Variants in HYDIN observed in about 807,000 individuals in gnomAD.
The protein encoded by HYDIN is HYDIN axonemal central pair apparatus protein, also known as axonemal central pair apparatus protein HYDIN.
In HYDIN, 132 loss-of-function variants were observed where a neutral mutation model predicts 403.9. The observed-to-expected ratio is 0.33, with a 90% CI of 0.28 to 0.38. The LOEUF (loss-of-function observed/expected upper bound fraction) is 0.38, where lower values mean the gene tolerates loss of function less well. Ranked by LOEUF, HYDIN falls within the 10% of genes least tolerant of loss-of-function variation. The probability of loss-of-function intolerance (pLI) is 1.00; values close to 1 mark genes in which losing one functional copy is unlikely to be tolerated. For missense variants in HYDIN, 2,827 were observed against 5,009.5 expected (o/e 0.56, Z 13.15); for synonymous variants, 1,202 against 1,891.7 (o/e 0.64, Z 9.46).
intron 43 of HYDIN, among the ~76,000 whole-genome samples, chr16:70,940,313 T>G (rs2077629324): frequency 6.6e-6 from 1 of 151,456 alleles, no homozygotes; most frequent in African/African-American, 2.4e-5. Context: ...AGCTGTGGAC[T>G]CAGACACCTG....
chr16:70,956,619 A>C (rs1256039784), intron 39 of HYDIN, among the ~76,000 whole-genome samples: 1 of 152,080 alleles, frequency 6.6e-6, no homozygotes, highest in Non-Finnish European at 1.5e-5. Context: ...GTAGCAGGAG[A>C]GACTGGGAGA....
In HYDIN at chr16:70,804,482, G is replaced by A. The variant is rs1453241434; in HGVS notation, c.*3098C>T. Among the ~76,000 whole-genome samples the A allele has an allele frequency of 6.6e-6, 1 of 152,204 alleles. No homozygotes were observed. The highest frequency in any genetic ancestry group is 1.5e-5 in the Non-Finnish European group (1 of 68,048). ...TGAAGGGCTGAAAAACCAGGTGACTGATTGGTTGGGTAAGACGGATGAAAT... is the reference window on the plus strand; with the variant it reads ...TGAAGGGCTGAAAAACCAGGTGACTAATTGGTTGGGTAAGACGGATGAAAT... On this transcript the variant is annotated 3_prime_UTR_variant, in exon 86 of 86. Transcript: ENST00000393567.
At chr16:70,939,176 A>G (rs1399052147) in intron 43 of HYDIN, among the ~76,000 whole-genome samples, 1 of 152,160 alleles carries the variant, frequency 6.6e-6, no homozygotes, top group Non-Finnish European at 1.5e-5. Context: ...GGCTGCAAGG[A>G]AGGGGCCAGG....
At position 70,868,556 on chromosome 16, in the gene HYDIN, A is replaced by G. The variant is rs780634905; in HGVS notation, c.11310+14T>C. The G allele has an allele frequency of 1.2e-6, 2 of 1,606,138 alleles. No individual in the cohort carries two copies. The highest frequency in any genetic ancestry group is 1.3e-5 in the African/African-American group (1 of 74,236). On this transcript the variant is annotated intron_variant, in intron 66 of 85. Transcript: ENST00000393567. ...GGAGGCCTGGTCAGATTGGTGCTTG[A>G]TGTCCCCACTTACTTTTCGTTTTGT...
At chr16:70,945,172 T>G (rs998422244) in intron 41 of HYDIN, among the ~76,000 whole-genome samples, 1 of 152,156 alleles carries the variant, frequency 6.6e-6, no homozygotes, top group African/African-American at 2.4e-5. Context: ...ATGGTGGTGG[T>G]GACTGAGACG....
chr16:71,220,491 T>C (rs982884021), intron 1 of HYDIN, among the ~76,000 whole-genome samples: 1 of 152,224 alleles, frequency 6.6e-6, no homozygotes. Flanking sequence ...AGATATAATA[T>C]AGAATAAAAT....
At chr16:71,204,391 T>C (rs891501294) in intron 1 of HYDIN, among the ~76,000 whole-genome samples, 3 of 152,196 alleles carry the variant, frequency 2.0e-5, no homozygotes, top group Non-Finnish European at 2.9e-5. Flanking sequence ...AAGGGACCAG[T>C]GCTTTCATCA....
intron 75 of HYDIN, among the ~76,000 whole-genome samples, chr16:70,846,298 T>C (rs2038200723): frequency 6.7e-6 from 1 of 150,112 alleles, no homozygotes; most frequent in African/African-American, 2.4e-5. Flanking sequence ...TTTCGTTATG[T>C]ATCCAGTAGT....
At chr16:70,809,696 A>C in intron 85 of HYDIN, 87 bp downstream of exon 85, 1 of 1,080,964 alleles carries the variant, frequency 9.3e-7, no homozygotes, top group Non-Finnish European at 1.4e-6. Context: ...TGAGTCTCAC[A>C]TTCATGCTCC....
chr16:71,163,119 C>CTTTTTT (rs71272746), intron 5 of HYDIN, among the ~76,000 whole-genome samples: 5 of 120,760 alleles, frequency 4.1e-5, no homozygotes, highest in East Asian at 2.5e-4. Flanking sequence ...AATGATGTTT[C>CTTTTTT]TTTTTTTTTT....
At chr16:70,836,420 GTGTT>G (rs1238556737) in intron 77 of HYDIN, among the ~76,000 whole-genome samples, 1 of 152,252 alleles carries the variant, frequency 6.6e-6, no homozygotes, top group Non-Finnish European at 1.5e-5. Context: ...GAAGTATGGA[GTGTT>G]TGTGAGAGAG....
intron 41 of HYDIN, among the ~76,000 whole-genome samples, chr16:70,947,004 C>T (rs1292588238): frequency 5.9e-5 from 9 of 151,942 alleles, no homozygotes; most frequent in Admixed American, 1.3e-4. Context: ...ATTTGACTTC[C>T]TCTTTTCCCA....
Position 70,943,933 on chromosome 16 carries a change from A to T in HYDIN, c.6548T>A (p.Leu2183His). The T allele has an allele frequency of 6.2e-7, 1 of 1,608,268 alleles. No individual in the cohort carries two copies. The highest frequency in any genetic ancestry group is 1.1e-5 in the South Asian group (1 of 89,960). Residue 2183 changes from leucine to histidine, a missense_variant, in exon 42 of 86, where the codon CTC (leucine) becomes CAC (histidine). By Grantham distance (99) the Leu-to-His change is moderately conservative. Coordinates refer to ENST00000393567, the MANE Select transcript of HYDIN (RefSeq NM_001270974.2). ...SETPQISSSP[L>H]PPGPIHRWLS... ...CCAGCGGTGGATGGGCCCCGGGGGG[A>T]GAGGGCTGGAGGAAATCTGTTGAGT...
chr16:71,190,413 T>A (rs2087376171), intron 1 of HYDIN, among the ~76,000 whole-genome samples: 1 of 151,130 alleles, frequency 6.6e-6, no homozygotes, highest in Admixed American at 6.6e-5. Flanking sequence ...TTTAAAAAAA[T>A]AATTGGTCAC....
At chr16:71,200,098 G>A (rs116920614) in intron 1 of HYDIN, among the ~76,000 whole-genome samples, 3,375 of 152,238 alleles carry the variant, frequency 0.022, 77 homozygotes, top group Non-Finnish European at 0.027. Context: ...TCCCAACAGC[G>A]CCATGACAGT....
At chr16:71,114,360 T>C (rs2083936335) in intron 10 of HYDIN, among the ~76,000 whole-genome samples, 1 of 149,362 alleles carries the variant, frequency 6.7e-6, no homozygotes, top group Non-Finnish European at 1.5e-5. Context: ...CCAAATGTGG[T>C]CAGTGGGAGT....
intron 75 of HYDIN, among the ~76,000 whole-genome samples, chr16:70,844,950 T>C (rs2038096540): frequency 7.6e-6 from 1 of 130,760 alleles, no homozygotes; most frequent in African/African-American, 3.4e-5. Flanking sequence ...GCTGAGACGA[T>C]GGGGTTTTCT....
chr16:70,997,212 T>C lies in HYDIN; in HGVS notation c.3645-5002A>G, dbSNP rs964176640. On this transcript the variant is annotated intron_variant, in intron 23 of 85. Coordinates refer to ENST00000393567, the MANE Select transcript of HYDIN (RefSeq NM_001270974.2). Reference sequence around the variant, plus strand: ...GCGAGTGGTGGGGAGTGGCTGTAAATACAGATGAAGCTTCGCTTGCTCACC... The same window carrying C: ...GCGAGTGGTGGGGAGTGGCTGTAAACACAGATGAAGCTTCGCTTGCTCACC... Among the ~76,000 whole-genome samples the C allele has an allele frequency of 1.3e-3, 180 of 139,570 alleles. 1 individual carries two copies. The highest frequency in any genetic ancestry group is 2.2e-3 in the Non-Finnish European group (141 of 64,102). The allele number at this position is 139,570 out of a possible 152,430, so 91.6% of individuals were successfully genotyped here. A position where few individuals can be genotyped will look rare whatever the true frequency, so the allele number is the denominator to read the frequency against.
chr16:71,196,130 G>A (rs2087688473), intron 1 of HYDIN, among the ~76,000 whole-genome samples: 1 of 152,142 alleles, frequency 6.6e-6, no homozygotes, highest in Non-Finnish European at 1.5e-5. Context: ...TTGTCACAAG[G>A]AAATTCAATT....
Sources: allele counts gnomAD v4.1 joint callset (sites outside exome capture counted in the v4.1 genomes callset), GRCh38; gene constraint gnomAD v4.1.1; transcripts MANE v1.5; gene names NCBI Gene and HGNC (gene_info 2026-07-23, HGNC 2026-07-21).